Variants in CAMK1D observed in about 807,000 individuals in gnomAD.
CAMK1D encodes calcium/calmodulin dependent protein kinase ID, also known as calcium/calmodulin-dependent protein kinase type 1D.
In CAMK1D, 9 loss-of-function variants were observed where a neutral mutation model predicts 47.7. That is an observed-to-expected ratio of 0.19 (90% CI 0.11 to 0.33). CAMK1D has a LOEUF of 0.33. Among genes scored for constraint, CAMK1D ranks in the 10% least tolerant of loss-of-function variants. The pLI, the probability that CAMK1D is intolerant of heterozygous loss-of-function variation, is 1.00. For synonymous variants in CAMK1D, 184 were observed against 184.9 expected (o/e 0.99, Z 0.04); for missense variants, 291 against 488.7 (o/e 0.60, Z 3.81).
chr10:12,377,484 C>T (rs1415890704), intron 1 of CAMK1D, among the ~76,000 whole-genome samples: 2 of 152,162 alleles, frequency 1.3e-5, no homozygotes, highest in African/African-American at 4.8e-5. Flanking sequence ...CAATGTTCTT[C>T]CCTTAAGATT....
At chr10:12,540,804 A>G (rs567633215) in intron 1 of CAMK1D, among the ~76,000 whole-genome samples, 12 of 152,340 alleles carry the variant, frequency 7.9e-5, no homozygotes, top group East Asian at 1.9e-4. Context: ...AAGAAAGCGT[A>G]ACTATTTTGA....
intron 5 of CAMK1D, among the ~76,000 whole-genome samples, chr10:12,789,466 A>T (rs1837882610): frequency 6.6e-6 from 1 of 152,212 alleles, no homozygotes; most frequent in South Asian, 2.1e-4. Context: ...GGGACAAGTT[A>T]CTTAACTTCT....
At chr10:12,647,703 A>G (rs1839850877) in intron 2 of CAMK1D, among the ~76,000 whole-genome samples, 1 of 152,204 alleles carries the variant, frequency 6.6e-6, no homozygotes, top group Non-Finnish European at 1.5e-5. Context: ...TGAGCCAGCC[A>G]TGCCCTTCCC....
intron 2 of CAMK1D, among the ~76,000 whole-genome samples, chr10:12,648,280 A>G (rs1315048068): frequency 1.3e-5 from 2 of 152,136 alleles, no homozygotes; most frequent in Non-Finnish European, 2.9e-5. Context: ...CCTAATCATT[A>G]GAGTTACTAG....
intron 1 of CAMK1D, among the ~76,000 whole-genome samples, chr10:12,532,555 A>T (rs1451332977): frequency 1.3e-5 from 2 of 152,202 alleles, no homozygotes; most frequent in Non-Finnish European, 2.9e-5. Context: ...CTGGGATTAC[A>T]GGCGTGAGCC....
chr10:12,643,534 A>G (rs1405967058), intron 2 of CAMK1D, among the ~76,000 whole-genome samples: 7 of 152,118 alleles, frequency 4.6e-5, no homozygotes, highest in Non-Finnish European at 8.8e-5. Context: ...CAGGAGCACG[A>G]GCCCTATGAT....
intron 3 of CAMK1D, among the ~76,000 whole-genome samples, chr10:12,716,750 A>G (rs1481085043): frequency 1.3e-5 from 2 of 151,998 alleles, no homozygotes; most frequent in African/African-American, 2.4e-5. Flanking sequence ...TTTTTTAACT[A>G]TATTTCTGGA....
chr10:12,747,677 G>A (rs12570883), intron 3 of CAMK1D, among the ~76,000 whole-genome samples: 39,707 of 152,022 alleles, frequency 0.26, 5,965 homozygotes, highest in African/African-American at 0.42. Flanking sequence ...TTAGAGGATG[G>A]TGAGTCCCAA....
intron 3 of CAMK1D, among the ~76,000 whole-genome samples, chr10:12,694,799 C>T (rs549893531): frequency 6.6e-6 from 1 of 151,556 alleles, no homozygotes; most frequent in Non-Finnish European, 1.5e-5. Context: ...CATTAGATTA[C>T]TGTCAGGTTT....
At chr10:12,411,837 G>A (rs191135132) in intron 1 of CAMK1D, among the ~76,000 whole-genome samples, 26 of 151,310 alleles carry the variant, frequency 1.7e-4, no homozygotes, top group African/African-American at 6.1e-4. Context: ...CAGGTGATCC[G>A]CCCGCCTCAG....
intron 7 of CAMK1D, among the ~76,000 whole-genome samples, chr10:12,815,220 C>G (rs1653950244): frequency 6.6e-6 from 1 of 152,162 alleles, no homozygotes; most frequent in South Asian, 2.1e-4. Flanking sequence ...GGAAAAAGAT[C>G]AAAACCAAGG....
intron 1 of CAMK1D, among the ~76,000 whole-genome samples, chr10:12,414,354 C>G (rs1261667975): frequency 1.3e-5 from 2 of 152,170 alleles, no homozygotes; most frequent in African/African-American, 2.4e-5. Context: ...CATTTGTGTA[C>G]AGTAGCTATA....
intron 1 of CAMK1D, among the ~76,000 whole-genome samples, chr10:12,409,521 C>T (rs1253409559): frequency 6.6e-6 from 1 of 152,210 alleles, no homozygotes; most frequent in East Asian, 1.9e-4. Context: ...TGGGCTCAAG[C>T]CATTCTTCCG....
chr10:12,528,135 C>A (rs1018373997), intron 1 of CAMK1D, among the ~76,000 whole-genome samples: 3 of 152,168 alleles, frequency 2.0e-5, no homozygotes, highest in East Asian at 1.9e-4. Flanking sequence ...ATGATGTTAC[C>A]TCCTTGGAGG....
In CAMK1D at chr10:12,406,846, G is replaced by A. The variant is rs78765853; in HGVS notation, c.92+56936G>A. Among the ~76,000 whole-genome samples the A allele has an allele frequency of 7.3e-3, 1,092 of 149,866 alleles. 8 individuals are homozygous for A. The highest frequency in any genetic ancestry group is 0.023 in the South Asian group (110 of 4,730). ...AGTCTGTGCCTCCAGTTGTCCTTAT[G>A]TGGGCTATTCTAGCTCTTTCCCTTA... On this transcript the variant is annotated intron_variant, in intron 1 of 10. Coordinates refer to ENST00000619168, the MANE Select transcript of CAMK1D (RefSeq NM_153498.4).
chr10:12,617,534 CG>C (rs1325754010), intron 2 of CAMK1D, among the ~76,000 whole-genome samples: 1 of 152,104 alleles, frequency 6.6e-6, no homozygotes, highest in East Asian at 1.9e-4. Flanking sequence ...CACCCCAGGG[CG>C]AGGCAGTTTG....
At chr10:12,506,032 C>T (rs931560635) in intron 1 of CAMK1D, among the ~76,000 whole-genome samples, 6 of 152,282 alleles carry the variant, frequency 3.9e-5, no homozygotes, top group South Asian at 2.1e-4. Flanking sequence ...ATGGCAAGTC[C>T]GTTAACTTCC....
At chr10:12,763,903 C>A (rs1426820527) in intron 4 of CAMK1D, among the ~76,000 whole-genome samples, 1 of 152,126 alleles carries the variant, frequency 6.6e-6, no homozygotes, top group African/African-American at 2.4e-5. Context: ...CTTTGGACAC[C>A]AGGAGGAATT....
Position 12,578,348 on chromosome 10 carries a change from A to G in CAMK1D, c.224+24992A>G, listed in dbSNP as rs190775273. On this transcript the variant is annotated intron_variant, in intron 2 of 10. Coordinates refer to ENST00000619168, the MANE Select transcript of CAMK1D (RefSeq NM_153498.4). ...CACTTGGGGAGGCTTAGGCGGATGG[A>G]TCACCTGAGGTCAGGAGTTCGAGAC... Among the ~76,000 whole-genome samples, 412 of 152,202 alleles carry G rather than the reference A, an allele frequency of 2.7e-3. 1 individual carries two copies. The highest frequency in any genetic ancestry group is 9.1e-3 in the African/African-American group (380 of 41,536).
Sources: gnomAD v4.1 joint callset for allele counts (sites outside exome capture counted in the v4.1 genomes callset) on GRCh38, gnomAD v4.1.1 for gene constraint, MANE v1.5 for transcripts, NCBI Gene and HGNC (gene_info 2026-07-23, HGNC 2026-07-21) for gene names.